The following SPIRE1 variants were observed in gnomAD, a reference collection of about 807,000 sequenced individuals.
The protein encoded by SPIRE1 is protein spire homolog 1.
Under a neutral mutation model 94.1 loss-of-function variants are expected in SPIRE1, and 40 were observed. That is an observed-to-expected ratio of 0.43 (90% CI 0.33 to 0.55). The LOEUF is 0.55. Ranked by LOEUF, SPIRE1 falls within the 20% of genes least tolerant of loss-of-function variation. The pLI is 0.06. For missense variants in SPIRE1, 838 were observed against 975.2 expected, an observed-to-expected ratio of 0.86 and a Z score of 1.87; for synonymous variants, 376 against 371.7, an observed-to-expected ratio of 1.01 and a Z score of -0.13.
chr18:12,658,092 C>G lies in SPIRE1; in HGVS notation c.-226G>C. ...CGGTCAGACAGCCGCCGGCCGGTAG[C>G]GACGCGATGGCGTCCGGCGCCCCGC... is the stretch of plus-strand genomic sequence containing the variant. On this transcript the variant is annotated 5_prime_UTR_variant, in exon 1 of 17. Coordinates refer to ENST00000409402, the MANE Select transcript of SPIRE1 (RefSeq NM_001128626.2). 1.0e-6 allele frequency: 1 copy of G among 990,658 alleles called. No homozygotes were observed. The highest frequency in any genetic ancestry group is 1.2e-6 in the Non-Finnish European group (1 of 834,478). The allele number at this position is 990,658 out of a possible 1,614,324, so 61.4% of individuals were successfully genotyped here. A position where few individuals can be genotyped will look rare whatever the true frequency, so the allele number is the denominator to read the frequency against.
chr18:12,546,909 G>A lies in SPIRE1; in HGVS notation c.373-5C>T. Reference sequence around the variant, plus strand: ...AATTCCCAAAGATTCAATGACCTAGGAACATTTAAAAAAGTGGTTAATGGA... The same window carrying A: ...AATTCCCAAAGATTCAATGACCTAGAAACATTTAAAAAAGTGGTTAATGGA... On this transcript the variant is annotated splice_polypyrimidine_tract_variant and splice_region_variant and intron_variant, in intron 2 of 16. Transcript: ENST00000409402. The A allele has an allele frequency of 1.9e-6, 3 of 1,599,474 alleles. No individual in the cohort carries two copies. Among genetic ancestry groups the A allele is most frequent in the Non-Finnish European group, 2.6e-6 (3 of 1,169,884 alleles).
chr18:12,460,479 G>A (rs887134466), intron 12 of SPIRE1, among the ~76,000 whole-genome samples: 26 of 152,334 alleles, frequency 1.7e-4, no homozygotes, highest in African/African-American at 5.8e-4. Context: ...TTGGGAGGCC[G>A]AGGCGGGCAG....
rs947746376 is a variant in SPIRE1 at position 12,559,405 on chromosome 18, C to T, written c.373-12501G>A. 7.9e-5 allele frequency among the ~76,000 whole-genome samples: 12 copies of T among 152,156 alleles called. No homozygotes were observed. Among genetic ancestry groups the T allele is most frequent in the African/African-American group, 2.9e-4 (12 of 41,440 alleles). ...GAGTGCTGGCCGGGCGAGACTGCACCCACCCGGAACTCGTGCTGGCCTGCG... is the reference window on the plus strand; with the variant it reads ...GAGTGCTGGCCGGGCGAGACTGCACTCACCCGGAACTCGTGCTGGCCTGCG... On this transcript the variant is annotated intron_variant, in intron 2 of 16. Coordinates refer to ENST00000409402, the MANE Select transcript of SPIRE1 (RefSeq NM_001128626.2). This position sits in a 1 kb window ranked among gnomAD's most constrained non-coding sequence, Gnocchi z 4.7.
chr18:12,515,610 G>A (rs1157251867), intron 4 of SPIRE1, among the ~76,000 whole-genome samples: 1 of 152,172 alleles, frequency 6.6e-6, no homozygotes, highest in Non-Finnish European at 1.5e-5. Flanking sequence ...GCTGCCCTCT[G>A]TTTCAGGAAC....
chr18:12,636,897 TA>T (rs1258689572), intron 1 of SPIRE1, among the ~76,000 whole-genome samples: 5 of 152,204 alleles, frequency 3.3e-5, no homozygotes, highest in Non-Finnish European at 7.3e-5. Flanking sequence ...ATAAAATTGG[TA>T]ATTAATTTTA....
At chr18:12,588,449 T>A (rs1231373016) in intron 2 of SPIRE1, 1 of 152,182 alleles carries the variant, frequency 6.6e-6, no homozygotes, top group Non-Finnish European at 1.5e-5. Context: ...TATCATTACA[T>A]GTTTAAATAG....
chr18:12,606,534 T>TTA (rs1051786014), intron 2 of SPIRE1, among the ~76,000 whole-genome samples: 2 of 18,630 alleles, frequency 1.1e-4, no homozygotes, highest in Non-Finnish European at 2.3e-4. Flanking sequence ...AATTATCTGA[T>TTA]TTTTTTTTTT....
At chr18:12,467,089 G>A (rs2032139603) in intron 10 of SPIRE1, among the ~76,000 whole-genome samples, 1 of 152,156 alleles carries the variant, frequency 6.6e-6, no homozygotes, top group Non-Finnish European at 1.5e-5. Context: ...AGACCAGCCG[G>A]GCCAACATGG....
At chr18:12,457,192 T>A (rs1598886098) in intron 12 of SPIRE1, among the ~76,000 whole-genome samples, 1 of 152,190 alleles carries the variant, frequency 6.6e-6, no homozygotes, top group Non-Finnish European at 1.5e-5. Flanking sequence ...TTTTTAAAAA[T>A]TTTCAAGCAG....
intron 10 of SPIRE1, among the ~76,000 whole-genome samples, chr18:12,476,201 CTT>C (rs1363995027): frequency 1.3e-5 from 2 of 151,950 alleles, no homozygotes. Flanking sequence ...AAAATAAAGA[CTT>C]TGGTTTATCT....
At chr18:12,458,613 CA>C (rs1040135311) in intron 12 of SPIRE1, among the ~76,000 whole-genome samples, 1 of 151,276 alleles carries the variant, frequency 6.6e-6, no homozygotes, top group Non-Finnish European at 1.5e-5. Context: ...GACTCCATCT[CA>C]AAAAAAACAA....
intron 2 of SPIRE1, among the ~76,000 whole-genome samples, chr18:12,630,335 A>G (rs1414367717): frequency 6.6e-6 from 1 of 152,200 alleles, no homozygotes; most frequent in Non-Finnish European, 1.5e-5. Context: ...TGCTGCACGT[A>G]TAAAGCTAGG....
At chr18:12,528,510 C>G (rs1321852710) in intron 4 of SPIRE1, among the ~76,000 whole-genome samples, 1 of 152,118 alleles carries the variant, frequency 6.6e-6, no homozygotes, top group African/African-American at 2.4e-5. Context: ...GGTGCAGAGG[C>G]CCTGGACATT....
chr18:12,657,615 C>G lies in SPIRE1; in HGVS notation c.252G>C (p.Ser84=). ...CCCTCCAGACGCGGATCTGCGCGGC[C>G]GAGCGCACACGGTGGCGGGGCTGGC... ...RRRQPRHRVR[S]AAQIRVWRDG... is the part of the protein sequence containing the mutation. The change falls in exon 1 of 17, where the codon TCG becomes TCC. Residue 84 remains serine, a synonymous_variant. Transcript: ENST00000409402. 1 of 1,293,832 alleles carries G rather than the reference C, an allele frequency of 7.7e-7. No homozygotes were observed. Among genetic ancestry groups the G allele is most frequent in the Non-Finnish European group, 9.8e-7 (1 of 1,023,462 alleles). 80.1% of individuals were successfully genotyped at this position (1,293,832 alleles called of 1,614,324 possible).
chr18:12,470,294 G>A (rs549228470), intron 10 of SPIRE1, among the ~76,000 whole-genome samples: 1 of 152,224 alleles, frequency 6.6e-6, no homozygotes, highest in South Asian at 2.1e-4. Flanking sequence ...TTCCAAGAAG[G>A]AAATAACTAA....
At chr18:12,635,352 C>T (rs983206665) in intron 1 of SPIRE1, among the ~76,000 whole-genome samples, 15 of 152,036 alleles carry the variant, frequency 9.9e-5, no homozygotes, top group African/African-American at 3.4e-4. Context: ...AACATATGTA[C>T]ATATTTAATA....
intron 8 of SPIRE1, among the ~76,000 whole-genome samples, chr18:12,488,696 C>T (rs183130441): frequency 6.6e-5 from 10 of 152,128 alleles, no homozygotes; most frequent in African/African-American, 1.9e-4. Context: ...GATATACACA[C>T]GTCAATAAAG....
intron 9 of SPIRE1, among the ~76,000 whole-genome samples, chr18:12,480,824 T>C (rs781583946): frequency 2.6e-5 from 4 of 152,210 alleles, no homozygotes; most frequent in Non-Finnish European, 5.9e-5. Context: ...AAAAATGGGC[T>C]AAATTTAGTA....
At chr18:12,643,396 A>G (rs1227743731) in intron 1 of SPIRE1, among the ~76,000 whole-genome samples, 4 of 152,236 alleles carry the variant, frequency 2.6e-5, no homozygotes, top group Admixed American at 2.6e-4. Context: ...AGCAGGTGAC[A>G]ATCCCAAATG....
Sources: gnomAD v4.1 joint callset for allele counts (sites outside exome capture counted in the v4.1 genomes callset) on GRCh38, gnomAD v4.1.1 for gene constraint, Gnocchi (gnomAD v3.1) non-coding constraint, MANE v1.5 for transcripts, NCBI Gene and HGNC (gene_info 2026-07-23, HGNC 2026-07-21) for gene names.